Variants in PKIG observed in about 807,000 individuals in gnomAD.
The protein encoded by PKIG is protein kinase (cAMP-dependent, catalytic) inhibitor gamma.
Under a neutral mutation model 6.8 loss-of-function variants are expected in PKIG, and 1 was observed. The observed-to-expected ratio is 0.15, with a 90% CI of 0.05 to 0.69. The LOEUF (loss-of-function observed/expected upper bound fraction) is 0.69, where lower values mean the gene tolerates loss of function less well. PKIG is among the 30% of genes least tolerant of loss of function. The pLI is 0.82. For synonymous variants in PKIG, 39 were observed against 43.0 expected (o/e 0.91, Z 0.36); for missense variants, 77 against 104.0 (o/e 0.74, Z 1.13).
chr20:44,591,430 G>GTAAGGGACTGAGAGAGTTC (rs929332321), intron 2 of PKIG, among the ~76,000 whole-genome samples: 94 of 152,242 alleles, frequency 6.2e-4, no homozygotes, highest in African/African-American at 2.1e-3. Flanking sequence ...TTCAGTTTGG[G>GTAAGGGACTGAGAGAGTTC]TAAGGGACTG....
rs574407699 is a variant in PKIG, at chr20:44,591,231, G to C, written c.-24+1365G>C. On this transcript the variant is annotated intron_variant, in intron 2 of 3. Transcript: ENST00000372886. Reference sequence around the variant, plus strand: ...GCACAGCGAAGGCCTGGAGGCTTGGGGGGTGCAGCACTCCATGGAAATTCC... The same window carrying C: ...GCACAGCGAAGGCCTGGAGGCTTGGCGGGTGCAGCACTCCATGGAAATTCC... 1.5e-4 allele frequency among the ~76,000 whole-genome samples: 23 copies of C among 152,294 alleles called. No homozygotes were observed. The South Asian group carries it at 4.6e-3, about 30-fold the overall frequency.
Position 44,594,684 on chromosome 20 carries a change from T to C in PKIG, c.-24+4818T>C, listed in dbSNP as rs143527055. Among the ~76,000 whole-genome samples the C allele has an allele frequency of 6.3e-4, 96 of 152,278 alleles. No homozygotes were observed. The East Asian group carries it at 0.013, about 21-fold the overall frequency. On this transcript the variant is annotated intron_variant, in intron 2 of 3. Coordinates refer to ENST00000372886, the MANE Select transcript of PKIG (RefSeq NM_001281445.2). Reference sequence around the variant, plus strand: ...CCCCATTCCCACCCCTCACCCCTCTTCGGCTCTGTCTCCTTGCAATGGGGG... The same window carrying C: ...CCCCATTCCCACCCCTCACCCCTCTCCGGCTCTGTCTCCTTGCAATGGGGG...
At chr20:44,615,615 C>G (rs8118020) in intron 3 of PKIG, among the ~76,000 whole-genome samples, 1 of 151,882 alleles carries the variant, frequency 6.6e-6, no homozygotes. Context: ...TGAGGCCTTT[C>G]CCTCCTGCTC....
intron 2 of PKIG, among the ~76,000 whole-genome samples, chr20:44,611,698 T>C (rs1224130906): frequency 6.6e-6 from 1 of 151,774 alleles, no homozygotes; most frequent in Non-Finnish European, 1.5e-5. Context: ...TGTTTGTTTT[T>C]TTAGTAGAGA....
intron 1 of PKIG, among the ~76,000 whole-genome samples, chr20:44,562,477 C>G (rs1293440435): frequency 6.6e-6 from 1 of 151,532 alleles, no homozygotes; most frequent in East Asian, 2.0e-4. Context: ...TGGTGTGTGC[C>G]TGTAGTCCCA....
chr20:44,562,556 C>T (rs1204830706), intron 1 of PKIG, among the ~76,000 whole-genome samples: 2 of 136,562 alleles, frequency 1.5e-5, no homozygotes, highest in Non-Finnish European at 3.0e-5. Context: ...GAGCCTAGAT[C>T]GTGCCACTGC....
At position 44,614,419 on chromosome 20, in the gene PKIG, A is replaced by G. The variant is rs2065245286; in HGVS notation, c.-23-115A>G. The G allele has an allele frequency of 8.3e-6, 6 of 725,798 alleles. No homozygotes were observed. Among genetic ancestry groups the G allele is most frequent in the Admixed American group, 2.5e-5 (1 of 39,960 alleles). 45.0% of individuals were successfully genotyped at this position (725,798 alleles called of 1,614,324 possible). ...TTCTGTGCTTTTTGCTTTGTTTTCA[A>G]TAAGAGGCAATAACTGTCATTTTGA... On this transcript the variant is annotated intron_variant, in intron 2 of 3. Transcript: ENST00000372886. This position sits in a 1 kb window ranked among gnomAD's most constrained non-coding sequence, Gnocchi z 4.6.
intron 1 of PKIG, among the ~76,000 whole-genome samples, chr20:44,550,538 G>T (rs923533870): frequency 6.6e-6 from 1 of 152,062 alleles, no homozygotes; most frequent in African/African-American, 2.4e-5. Context: ...TTGAAATCTC[G>T]CAAAAATTGC....
At chr20:44,539,007 C>A (rs1410429599) in intron 1 of PKIG, among the ~76,000 whole-genome samples, 1 of 152,022 alleles carries the variant, frequency 6.6e-6, no homozygotes, top group Non-Finnish European at 1.5e-5. Flanking sequence ...TCACTCACTG[C>A]AACCTCTGCC....
At chr20:44,562,257 T>A (rs891600856) in intron 1 of PKIG, among the ~76,000 whole-genome samples, 41 of 152,202 alleles carry the variant, frequency 2.7e-4, no homozygotes, top group African/African-American at 9.9e-4. Context: ...ATGATAATAC[T>A]CTGATTAGGT....
At chr20:44,561,652 G>T (rs2123245869) in intron 1 of PKIG, among the ~76,000 whole-genome samples, 1 of 152,194 alleles carries the variant, frequency 6.6e-6, no homozygotes, top group East Asian at 1.9e-4. Context: ...CAGTGTCCAG[G>T]CTGAAGTGCA....
intron 1 of PKIG, among the ~76,000 whole-genome samples, chr20:44,587,773 C>T (rs966747573): frequency 6.6e-6 from 1 of 152,130 alleles, no homozygotes; most frequent in Non-Finnish European, 1.5e-5. Flanking sequence ...TCAAGTTTAG[C>T]TCTAATTTTA....
intron 1 of PKIG, among the ~76,000 whole-genome samples, chr20:44,552,144 C>T (rs2064674530): frequency 6.6e-6 from 1 of 152,158 alleles, no homozygotes; most frequent in Non-Finnish European, 1.5e-5. Flanking sequence ...CTGACATATT[C>T]CATTGATCTC....
intron 1 of PKIG, among the ~76,000 whole-genome samples, chr20:44,554,135 G>A (rs2064692848): frequency 6.6e-6 from 1 of 151,670 alleles, no homozygotes; most frequent in South Asian, 2.1e-4. Flanking sequence ...GCTGTGATAT[G>A]ATCTCAATCT....
intron 1 of PKIG, among the ~76,000 whole-genome samples, chr20:44,533,981 T>G (rs190670308): frequency 7.9e-4 from 120 of 152,318 alleles, no homozygotes; most frequent in African/African-American, 2.4e-3. Context: ...ATCTATAATA[T>G]CAGCAGCTTT....
At chr20:44,561,793 G>A (rs545840978) in intron 1 of PKIG, among the ~76,000 whole-genome samples, 23 of 152,254 alleles carry the variant, frequency 1.5e-4, no homozygotes, top group Non-Finnish European at 2.6e-4. Context: ...ATTACAAAAT[G>A]AGTGGAGCAA....
chr20:44,595,437 G>A (rs923316689), intron 2 of PKIG, among the ~76,000 whole-genome samples: 1 of 152,260 alleles, frequency 6.6e-6, no homozygotes, highest in African/African-American at 2.4e-5. Context: ...CTGGGATACA[G>A]TATCAAATAT....
upstream of PKIG, among the ~76,000 whole-genome samples, chr20:44,580,486 C>T (rs578010538): frequency 4.6e-5 from 7 of 152,162 alleles, no homozygotes; most frequent in African/African-American, 7.2e-5. Flanking sequence ...GCTGGGACTA[C>T]AGGAACACGC....
intron 3 of PKIG, among the ~76,000 whole-genome samples, chr20:44,615,891 C>T (rs1451992347): frequency 1.3e-5 from 2 of 152,172 alleles, no homozygotes; most frequent in Non-Finnish European, 2.9e-5. Flanking sequence ...AGGGAGTTAA[C>T]ATAGAATCTG....
Sources: allele counts gnomAD v4.1 joint callset (sites outside exome capture counted in the v4.1 genomes callset), GRCh38; gene constraint gnomAD v4.1.1; non-coding constraint Gnocchi (gnomAD v3.1); transcripts MANE v1.5; gene names NCBI Gene and HGNC (gene_info 2026-07-23, HGNC 2026-07-21).